AK5: variants seen among roughly 807,000 people sequenced by gnomAD.
AK5 encodes adenylate kinase 5.
Under a neutral mutation model 69.5 loss-of-function variants are expected in AK5, and 27 were observed. The observed-to-expected ratio is 0.39, with a 90% CI of 0.29 to 0.54. The LOEUF is 0.54. AK5 is among the 20% of genes least tolerant of loss of function. The pLI, the probability that AK5 is intolerant of heterozygous loss-of-function variation, is 0.71. For synonymous variants in AK5, 260 were observed against 244.4 expected, an observed-to-expected ratio of 1.06 and a Z score of -0.60; for missense variants, 531 against 700.4, an observed-to-expected ratio of 0.76 and a Z score of 2.73.
At chr1:77,373,202 C>T (rs1480902773) in intron 6 of AK5, among the ~76,000 whole-genome samples, 1 of 152,080 alleles carries the variant, frequency 6.6e-6, no homozygotes, top group Non-Finnish European at 1.5e-5. Flanking sequence ...CCAGCATGGG[C>T]ACTCTCATTT....
intron 12 of AK5, among the ~76,000 whole-genome samples, chr1:77,535,397 C>T (rs1455552861): frequency 7.2e-5 from 11 of 152,072 alleles, no homozygotes; most frequent in Admixed American, 7.2e-4. Flanking sequence ...AGCATTATGC[C>T]CCACTCACCT....
chr1:77,386,702 A>G lies in AK5; in HGVS notation c.892-24279A>G, dbSNP rs114395324. 6.8e-3 allele frequency among the ~76,000 whole-genome samples: 1,038 copies of G among 152,278 alleles called. 14 individuals are homozygous for G. The highest frequency in any genetic ancestry group is 0.024 in the African/African-American group (987 of 41,556). ...TGTTACATATGTATAATGTGTAGTGATCAAGTCAGAGGTATTCAGGGCATC... is the reference window on the plus strand; with the variant it reads ...TGTTACATATGTATAATGTGTAGTGGTCAAGTCAGAGGTATTCAGGGCATC... On this transcript the variant is annotated intron_variant, in intron 6 of 13. Transcript: ENST00000354567.
chr1:77,320,821 T>C (rs543254049), intron 5 of AK5, among the ~76,000 whole-genome samples: 1 of 152,150 alleles, frequency 6.6e-6, no homozygotes. Context: ...TAAAGTAGAC[T>C]TCAGACAGAG....
intron 5 of AK5, among the ~76,000 whole-genome samples, chr1:77,317,424 C>G (rs1660301336): frequency 6.6e-6 from 1 of 151,318 alleles, no homozygotes; most frequent in Non-Finnish European, 1.5e-5. Flanking sequence ...TTAGAATCCA[C>G]TTTTTTTTTA....
At chr1:77,518,413 C>T (rs1657789739) in intron 10 of AK5, 151 bp from the exon 11 acceptor site, 3 of 748,426 alleles carry the variant, frequency 4.0e-6, no homozygotes, top group Non-Finnish European at 6.4e-6. Context: ...TTGCATCCAC[C>T]ACTCTCAGCA....
At position 77,501,365 on chromosome 1, in the gene AK5, C is replaced by T. The variant is rs931864623; in HGVS notation, c.1147+15013C>T. ...TATACAGTCATGCATCACTTAACAACAGGGGTGCATTCTGAGGAATGCCTC... is the reference window on the plus strand; with the variant it reads ...TATACAGTCATGCATCACTTAACAATAGGGGTGCATTCTGAGGAATGCCTC... On this transcript the variant is annotated intron_variant, in intron 10 of 13. Coordinates refer to ENST00000354567, the MANE Select transcript of AK5 (RefSeq NM_174858.3). Among the ~76,000 whole-genome samples the T allele has an allele frequency of 2.6e-5, 4 of 152,354 alleles. No homozygotes were observed. The East Asian group carries it at 7.7e-4, about 29-fold the overall frequency.
chr1:77,553,178 T>G (rs1659902382), intron 13 of AK5, among the ~76,000 whole-genome samples: 1 of 152,208 alleles, frequency 6.6e-6, no homozygotes. Flanking sequence ...TTGGGAATGT[T>G]AAGTAGTATT....
At chr1:77,286,346 A>AATG (rs1658350422) in intron 1 of AK5, among the ~76,000 whole-genome samples, 1 of 149,978 alleles carries the variant, frequency 6.7e-6, no homozygotes, top group South Asian at 2.2e-4. Flanking sequence ...TGATGAAGTG[A>AATG]ATGGCTCTTC....
intron 6 of AK5, among the ~76,000 whole-genome samples, chr1:77,391,758 A>G (rs997505288): frequency 2.0e-5 from 3 of 152,094 alleles, no homozygotes; most frequent in African/African-American, 7.2e-5. Context: ...TTATGCCTGC[A>G]GAAACTGAGA....
chr1:77,433,353 T>C (rs1012511900), intron 8 of AK5, among the ~76,000 whole-genome samples: 1 of 152,188 alleles, frequency 6.6e-6, no homozygotes, highest in Admixed American at 6.5e-5. Context: ...ATATGTTTAG[T>C]TTTATCAAAT....
rs554771742 is a variant in AK5 at position 77,557,778 on chromosome 1, T to C, written c.1621-824T>C. On this transcript the variant is annotated intron_variant, in intron 13 of 13. Transcript: ENST00000354567. ...AATGTTTTACCTAAATAGGCACTTA[T>C]TGTTTTAAATAGACTTTCCTTTTTA... Among the ~76,000 whole-genome samples the C allele has an allele frequency of 2.6e-4, 39 of 152,300 alleles. 1 individual carries two copies. Among genetic ancestry groups the C allele is most frequent in the Admixed American group, 1.2e-3 (18 of 15,292 alleles).
Position 77,543,926 on chromosome 1 carries a change from T to TACACACAC in AK5, c.1620+7904_1620+7911dup, listed in dbSNP as rs142574877. 1.7e-3 allele frequency among the ~76,000 whole-genome samples: 258 copies of TACACACAC among 147,966 alleles called. 1 individual carries two copies. The highest frequency in any genetic ancestry group is 6.1e-3 in the African/African-American group (245 of 40,464). ...ATATATTTATGTGTGTATGTGAGAG[T>TACACACAC]ACACACACACACACACACACACAGT... On this transcript the variant is annotated intron_variant, in intron 13 of 13. Coordinates refer to ENST00000354567, the MANE Select transcript of AK5 (RefSeq NM_174858.3).
intron 5 of AK5, chr1:77,313,936 C>T (rs1300888557): frequency 4.0e-6 from 2 of 504,864 alleles, no homozygotes; most frequent in Non-Finnish European, 8.1e-6. Flanking sequence ...CCTCTGCCTG[C>T]CACATATCTT....
intron 10 of AK5, among the ~76,000 whole-genome samples, chr1:77,515,380 G>T (rs1176652786): frequency 2.0e-5 from 3 of 152,202 alleles, no homozygotes; most frequent in African/African-American, 7.2e-5. Flanking sequence ...AAAGAAAGGA[G>T]TTTTAAGTAT....
rs1259159416 is a variant in AK5 at position 77,485,330 on chromosome 1, GCT to G, written c.1103-971_1103-970del. 2.0e-5 allele frequency among the ~76,000 whole-genome samples: 3 copies of G among 152,212 alleles called. No homozygotes were observed. In the East Asian group the frequency reaches 5.8e-4, roughly 29 times the overall value. ...CCCAACCCAATTCATCATGCCCCATGCTCTCTCTTTCTCTGGTAGAGTTGGGG... is the reference window on the plus strand; with the variant it reads ...CCCAACCCAATTCATCATGCCCCATGCTCTCTTTCTCTGGTAGAGTTGGGG... On this transcript the variant is annotated intron_variant, in intron 9 of 13. Coordinates refer to ENST00000354567, the MANE Select transcript of AK5 (RefSeq NM_174858.3).
rs1656063556 is a variant in AK5, at chr1:77,492,581, A to G, written c.1147+6229A>G. On this transcript the variant is annotated intron_variant, in intron 10 of 13. Transcript: ENST00000354567. ...TTTAGCACTTAGGGATCTCAAAGGG[A>G]AAAAGTTCCTTGTGCCTTTCCAAGC... 2.0e-5 allele frequency among the ~76,000 whole-genome samples: 3 copies of G among 152,204 alleles called. No homozygotes were observed. In the South Asian group the frequency reaches 6.2e-4, roughly 32 times the overall value.
intron 12 of AK5, among the ~76,000 whole-genome samples, chr1:77,530,820 G>A (rs1226034406): frequency 6.6e-6 from 1 of 152,000 alleles, no homozygotes; most frequent in Non-Finnish European, 1.5e-5. Context: ...TGGTAAACGT[G>A]GCCTAACCCC....
chr1:77,514,747 T>G (rs1433922183), intron 10 of AK5, among the ~76,000 whole-genome samples: 1 of 152,248 alleles, frequency 6.6e-6, no homozygotes, highest in East Asian at 1.9e-4. Context: ...GTGTCGAGAT[T>G]TATTAAATAA....
At chr1:77,309,457 C>T (rs554052017) in intron 5 of AK5, among the ~76,000 whole-genome samples, 1 of 152,164 alleles carries the variant, frequency 6.6e-6, no homozygotes, top group African/African-American at 2.4e-5. Flanking sequence ...TTCCTCAGTG[C>T]TATTTATATA....
Sources: allele counts gnomAD v4.1 joint callset (sites outside exome capture counted in the v4.1 genomes callset), GRCh38; gene constraint gnomAD v4.1.1; transcripts MANE v1.5; gene names NCBI Gene and HGNC (gene_info 2026-07-23, HGNC 2026-07-21).